Variants in DNAH17 observed in about 807,000 individuals in gnomAD.
DNAH17 encodes axonemal beta dynein heavy chain 17.
In DNAH17, 376 loss-of-function variants were observed where a neutral mutation model predicts 485.6. That is an observed-to-expected ratio of 0.77 (90% CI 0.71 to 0.84). DNAH17 has a LOEUF of 0.84. DNAH17 is among the 40% of genes least tolerant of loss of function. The pLI is 0.00. For missense variants in DNAH17, 6,370 were observed against 5,839.3 expected (o/e 1.09, Z -2.96); for synonymous variants, 3,031 against 2,405.9 (o/e 1.26, Z -7.60).
At chr17:78,479,769 C>T (rs147142890) in intron 49 of DNAH17, 137 bp from the exon 50 acceptor site, 6 of 1,166,000 alleles carry the variant, frequency 5.1e-6, no homozygotes, top group Middle Eastern at 5.7e-4. Context: ...GGCAGTTACC[C>T]TCCTTGTGCC....
rs12949510 is a variant in DNAH17 at position 78,571,250 on chromosome 17, C to A, written c.832+29G>T. ...CCCAGGAGGCACAAACAGCTTCGTG[C>A]AGAACTCATGACAGGGTCACAGGCT... On this transcript the variant is annotated intron_variant, in intron 5 of 80. Transcript: ENST00000389840. The A allele has an allele frequency of 0.34, 543,798 of 1,586,342 alleles. 95,536 individuals are homozygous for A. Among genetic ancestry groups the A allele is most frequent in the Admixed American group, 0.5 (28,963 of 57,644 alleles).
intron 36 of DNAH17, 42 bp downstream of exon 36, chr17:78,500,263 A>G: frequency 2.5e-6 from 4 of 1,569,038 alleles, no homozygotes; most frequent in Non-Finnish European, 3.4e-6. Flanking sequence ...TGCTTCTATA[A>G]AAGAAGACTC....
At chr17:78,545,649 C>T (rs1391148334) in intron 16 of DNAH17, among the ~76,000 whole-genome samples, 1 of 152,150 alleles carries the variant, frequency 6.6e-6, no homozygotes, top group Non-Finnish European at 1.5e-5. Context: ...TCACGGCTTC[C>T]ACAAAGGAGT....
At chr17:78,436,420 C>T (rs1304226658) in intron 74 of DNAH17, among the ~76,000 whole-genome samples, 1 of 151,318 alleles carries the variant, frequency 6.6e-6, no homozygotes, top group African/African-American at 2.4e-5. Flanking sequence ...AAGAGCGAAA[C>T]TCCATCTCCA....
chr17:78,547,615 CTATT>C (rs749312214), intron 16 of DNAH17, among the ~76,000 whole-genome samples: 2 of 107,140 alleles, frequency 1.9e-5, no homozygotes, highest in South Asian at 3.2e-4. Context: ...TTGTTCATTA[CTATT>C]TTTTTTTTTT....
At chr17:78,471,055 G>A (rs779530902) in intron 54 of DNAH17, among the ~76,000 whole-genome samples, 22 of 152,110 alleles carry the variant, frequency 1.4e-4, no homozygotes, top group South Asian at 4.1e-4. Context: ...TATTTCCAGC[G>A]TTTTGGCGAT....
intron 48 of DNAH17, 173 bp downstream of exon 48, chr17:78,484,695 T>C (rs1023399081): frequency 4.2e-5 from 17 of 405,346 alleles, no homozygotes; most frequent in Non-Finnish European, 6.3e-5. Context: ...CCCACAAACT[T>C]GGGGGCCCAG....
At position 78,494,650 on chromosome 17, in the gene DNAH17, G is replaced by A. The variant is rs777016911; in HGVS notation, c.6213C>T (p.Ile2071=). The A allele has an allele frequency of 8.7e-6, 14 of 1,613,818 alleles. No homozygotes were observed. The highest frequency in any genetic ancestry group is 3.3e-5 in the South Asian group (3 of 91,088). The change falls in exon 40 of 81, where the codon ATC becomes ATT. Residue 2071 remains isoleucine, a synonymous_variant. Coordinates refer to ENST00000389840, the MANE Select transcript of DNAH17 (RefSeq NM_173628.4). ...CGTCCAGAGCCGGGAAGAGGTCCCC[G>A]ATCAGTCCCATGAATACGGGCAGGT... is the stretch of plus-strand genomic sequence containing the variant. ...TDDLPVFMGL[I]GDLFPALDVP... is the part of the protein sequence containing the mutation.
intron 31 of DNAH17, among the ~76,000 whole-genome samples, chr17:78,504,460 C>T (rs2090417117): frequency 8.1e-6 from 1 of 124,150 alleles, no homozygotes; most frequent in Non-Finnish European, 1.7e-5. Flanking sequence ...CGAATCTAGA[C>T]AGATGCTGTC....
intron 14 of DNAH17, among the ~76,000 whole-genome samples, chr17:78,554,303 G>C (rs1238014387): frequency 6.6e-6 from 1 of 151,804 alleles, no homozygotes; most frequent in Non-Finnish European, 1.5e-5. Flanking sequence ...AGCCCGGTGT[G>C]GTGGTGTGCA....
intron 54 of DNAH17, among the ~76,000 whole-genome samples, chr17:78,469,565 C>T (rs1453727118): frequency 6.6e-6 from 1 of 152,154 alleles, no homozygotes; most frequent in Non-Finnish European, 1.5e-5. Flanking sequence ...GCCTGAGCAA[C>T]ATAGCAAGAC....
intron 67 of DNAH17, 45 bp from the exon 68 acceptor site, chr17:78,450,439 G>T: frequency 6.2e-7 from 1 of 1,608,072 alleles, no homozygotes; most frequent in South Asian, 1.1e-5. Flanking sequence ...CAGATGGGCA[G>T]TGCCATGAGC....
At position 78,423,992 on chromosome 17, in the gene DNAH17, T is replaced by G; in HGVS notation, c.13303A>C (p.Thr4435Pro). 6.2e-7 allele frequency: 1 copy of G among 1,613,976 alleles called. No individual in the cohort carries two copies. Among genetic ancestry groups the G allele is most frequent in the Non-Finnish European group, 8.5e-7 (1 of 1,179,876 alleles). The change falls in exon 81 of 81, where the codon ACC becomes CCC. Residue 4435 changes from threonine (T) to proline (P), a missense_variant. By Grantham distance (38) the Thr-to-Pro change is conservative. Transcript: ENST00000389840. ...PVYKTRIRGP[T>P]YVWTFNLKTK... is the part of the protein sequence containing the mutation. ...TTCAAGTTAAAGGTCCAGACATAGGTGGGGCCGCGGATGCGTGTTTTGTAC... is the reference window on the plus strand; with the variant it reads ...TTCAAGTTAAAGGTCCAGACATAGGGGGGGCCGCGGATGCGTGTTTTGTAC...
In DNAH17 at chr17:78,548,044, C is replaced by T. The variant is rs538683293; in HGVS notation, c.2391+3491G>A. Among the ~76,000 whole-genome samples, 8 of 152,314 alleles carry T rather than the reference C, an allele frequency of 5.3e-5. No individual in the cohort carries two copies. The South Asian group carries it at 1.7e-3, about 32-fold the overall frequency. On this transcript the variant is annotated intron_variant, in intron 16 of 80. Transcript: ENST00000389840. ...AATTGTCCTCCGTTTAATATATCCA[C>T]TGTTACACAGCACTAGTTCTAGTCT...
rs1310755569 is a variant in DNAH17, at chr17:78,500,645, A to G, written c.5484-184T>C. The G allele has an allele frequency of 1.0e-5, 5 of 494,686 alleles. No homozygotes were observed. The East Asian group carries it at 2.0e-4, about 19-fold the overall frequency. The allele number at this position is 494,686 out of a possible 1,614,324, so 30.6% of individuals were successfully genotyped here. ...TGCCTCAGCCTCCCAAGTAGCTGGG[A>G]CTATAGGCGCCCGCCACCATGCCCG... On this transcript the variant is annotated intron_variant, in intron 35 of 80. Transcript: ENST00000389840.
Position 78,445,433 on chromosome 17 carries a change from C to A in DNAH17, c.11334+125G>T, listed in dbSNP as rs947761650. 2.9e-6 allele frequency: 4 copies of A among 1,376,250 alleles called. No individual in the cohort carries two copies. The Admixed American group carries it at 1.0e-4, about 36-fold the overall frequency. The allele number at this position is 1,376,250 out of a possible 1,614,324, so 85.3% of individuals were successfully genotyped here. A position where few individuals can be genotyped will look rare whatever the true frequency, so the allele number is the denominator to read the frequency against. On this transcript the variant is annotated intron_variant, in intron 70 of 80. Coordinates refer to ENST00000389840, the MANE Select transcript of DNAH17 (RefSeq NM_173628.4). ...TCTCCATCCCTATGTGCGGGGCCTC[C>A]TTGCTTTACTGAATTTATGGGCCAC...
At chr17:78,461,757 C>T in intron 57 of DNAH17, 49 bp from the exon 58 acceptor site, 2 of 1,569,556 alleles carry the variant, frequency 1.3e-6, no homozygotes, top group East Asian at 2.3e-5. Flanking sequence ...GCAGCCGACA[C>T]ACGCCGCCCT....
At chr17:78,495,837 G>T (rs1338066625) in intron 38 of DNAH17, 38 bp downstream of exon 38, 5 of 1,595,114 alleles carry the variant, frequency 3.1e-6, no homozygotes, top group Non-Finnish European at 4.3e-6. Flanking sequence ...GGCCGGCCTG[G>T]CTCACTGCAG....
At chr17:78,428,414 AGTGTACCTCACCAGC>A (rs1298967200) in intron 77 of DNAH17, 96 bp downstream of exon 77, 1 of 1,319,806 alleles carries the variant, frequency 7.6e-7, no homozygotes, top group Non-Finnish European at 1.1e-6. Context: ...GCTGGGGCAG[AGTGTACCTCACCAGC>A]AAGTTCCCCT....
Sources: allele counts gnomAD v4.1 joint callset (sites outside exome capture counted in the v4.1 genomes callset), GRCh38; gene constraint gnomAD v4.1.1; transcripts MANE v1.5; gene names NCBI Gene and HGNC (gene_info 2026-07-23, HGNC 2026-07-21).